The following PRKCA variants were observed in gnomAD, a reference collection of about 807,000 sequenced individuals.
PRKCA encodes the protein protein kinase C alpha, also known as protein kinase C alpha type.
A neutral mutation model predicts 87.0 loss-of-function variants in PRKCA; 27 were observed. That is an observed-to-expected ratio of 0.31 (90% CI 0.23 to 0.43). The LOEUF is 0.43. Among genes scored for constraint, PRKCA ranks in the 20% least tolerant of loss-of-function variants. The pLI is 1.00. For missense variants in PRKCA, 518 were observed against 852.3 expected (o/e 0.61, Z 4.88); for synonymous variants, 329 against 311.1 (o/e 1.06, Z -0.61).
At chr17:66,796,847 G>A (rs1386112513) in intron 16 of PRKCA, 4 of 985,294 alleles carry the variant, frequency 4.1e-6, no homozygotes, top group South Asian at 4.7e-5. Flanking sequence ...ACAAGTGAGG[G>A]TTCCCCTACG....
intron 2 of PRKCA, among the ~76,000 whole-genome samples, chr17:66,493,812 T>C (rs1916349228): frequency 6.6e-6 from 1 of 152,172 alleles, no homozygotes. Flanking sequence ...TCATCGTTCT[T>C]GTGTAATTTC....
At chr17:66,619,225 A>G (rs1173888505) in intron 3 of PRKCA, among the ~76,000 whole-genome samples, 1 of 152,208 alleles carries the variant, frequency 6.6e-6, no homozygotes. Context: ...TATGGGCGTC[A>G]GAGCTGTTTC....
intron 13 of PRKCA, among the ~76,000 whole-genome samples, chr17:66,748,902 C>A (rs1974362784): frequency 6.6e-6 from 1 of 151,996 alleles, no homozygotes; most frequent in Non-Finnish European, 1.5e-5. Context: ...TCCCTCTCAG[C>A]TTCAGGAGGA....
At chr17:66,782,396 T>A (rs1975260243) in intron 14 of PRKCA, among the ~76,000 whole-genome samples, 1 of 152,118 alleles carries the variant, frequency 6.6e-6, no homozygotes. Flanking sequence ...ACTTAACTAC[T>A]CCTCTTCCCT....
intron 3 of PRKCA, among the ~76,000 whole-genome samples, chr17:66,615,826 G>C (rs1463001799): frequency 6.6e-6 from 1 of 152,124 alleles, no homozygotes. Context: ...CATAAGGGAA[G>C]GGATTTCACT....
chr17:66,321,638 G>A (rs1905669761), intron 2 of PRKCA, among the ~76,000 whole-genome samples: 1 of 152,106 alleles, frequency 6.6e-6, no homozygotes, highest in Non-Finnish European at 1.5e-5. Flanking sequence ...CTGCCTCCTG[G>A]GTTCAAGCGA....
chr17:66,645,625 A>T, intron 5 of PRKCA, 114 bp downstream of exon 5: 1 of 1,449,762 alleles, frequency 6.9e-7, no homozygotes, highest in Non-Finnish European at 9.4e-7. Context: ...CTGGAGAGGC[A>T]GTCGCCCTGG....
chr17:66,547,196 A>T (rs890738223), intron 3 of PRKCA, among the ~76,000 whole-genome samples: 1 of 152,116 alleles, frequency 6.6e-6, no homozygotes, highest in Non-Finnish European at 1.5e-5. Context: ...CTTTGCTCAC[A>T]CTGAACTTGA....
Position 66,302,790 on chromosome 17 carries a change from G to GC in PRKCA, c.-59dup. 4 of 509,690 alleles carry GC rather than the reference G, an allele frequency of 7.8e-6. No homozygotes were observed. The highest frequency in any genetic ancestry group is 1.3e-4 in the East Asian group (1 of 7,720). 31.6% of individuals were successfully genotyped at this position (509,690 alleles called of 1,614,324 possible). On this transcript the variant is annotated 5_prime_UTR_variant, in exon 1 of 17. Transcript: ENST00000413366. ...CCCGCACCTCTCCCCCGCCGCCCCCGCCCACCCGGCCCTCCGCGGCCGCAG... is the reference window on the plus strand; with the variant it reads ...CCCGCACCTCTCCCCCGCCGCCCCCGCCCCACCCGGCCCTCCGCGGCCGCAG...
chr17:66,610,755 G>A (rs1970338015), intron 3 of PRKCA, among the ~76,000 whole-genome samples: 1 of 152,166 alleles, frequency 6.6e-6, no homozygotes, highest in South Asian at 2.1e-4. Flanking sequence ...CTGTCTCTGT[G>A]TCCTTCCCCT....
chr17:66,535,580 G>A (rs897708346), intron 3 of PRKCA, among the ~76,000 whole-genome samples: 4 of 152,214 alleles, frequency 2.6e-5, no homozygotes, highest in African/African-American at 7.2e-5. Context: ...CCTCACCAGA[G>A]TAAGGGCACA....
At chr17:66,406,869 C>T (rs16959193) in intron 2 of PRKCA, among the ~76,000 whole-genome samples, 6,733 of 152,030 alleles carry the variant, frequency 0.044, 169 homozygotes, top group East Asian at 0.097. Flanking sequence ...GAGAAAAGAG[C>T]TCCTGTCTGC....
chr17:66,502,746 C>T (rs1916794909), intron 3 of PRKCA, among the ~76,000 whole-genome samples: 1 of 152,150 alleles, frequency 6.6e-6, no homozygotes, highest in African/African-American at 2.4e-5. Context: ...GCTCCGCCTC[C>T]TGGGTTCACG....
At chr17:66,368,885 C>T (rs1908924484) in intron 2 of PRKCA, among the ~76,000 whole-genome samples, 1 of 152,194 alleles carries the variant, frequency 6.6e-6, no homozygotes, top group South Asian at 2.1e-4. Context: ...GTCTTGCTCC[C>T]TGGCCTGGCC....
chr17:66,685,480 C>T (rs1972601056), intron 5 of PRKCA, among the ~76,000 whole-genome samples: 1 of 152,188 alleles, frequency 6.6e-6, no homozygotes, highest in Admixed American at 6.5e-5. Flanking sequence ...TGGGGTATGA[C>T]AAACTATGTT....
intron 3 of PRKCA, among the ~76,000 whole-genome samples, chr17:66,593,056 C>T (rs557032210): frequency 1.3e-5 from 2 of 152,324 alleles, no homozygotes; most frequent in African/African-American, 4.8e-5. Flanking sequence ...TACCAAAGTG[C>T]TGGGATTATA....
At chr17:66,758,653 A>C (rs887902393) in intron 13 of PRKCA, among the ~76,000 whole-genome samples, 6 of 152,104 alleles carry the variant, frequency 3.9e-5, no homozygotes, top group Non-Finnish European at 5.9e-5. Flanking sequence ...AATTTGACTC[A>C]TGTTCTATCT....
chr17:66,478,417 G>A (rs943014284), intron 2 of PRKCA, among the ~76,000 whole-genome samples: 2 of 152,020 alleles, frequency 1.3e-5, no homozygotes, highest in Non-Finnish European at 2.9e-5. Context: ...ACCACACCTG[G>A]CTAATTTTGT....
At chr17:66,480,781 TAA>T (rs34400938) in intron 2 of PRKCA, among the ~76,000 whole-genome samples, 6 of 147,014 alleles carry the variant, frequency 4.1e-5, no homozygotes, top group Admixed American at 6.8e-5. Context: ...TTATATGGCT[TAA>T]AAAAAAAAAA....
Sources: gnomAD v4.1 joint callset for allele counts (sites outside exome capture counted in the v4.1 genomes callset) on GRCh38, gnomAD v4.1.1 for gene constraint, MANE v1.5 for transcripts, NCBI Gene and HGNC (gene_info 2026-07-23, HGNC 2026-07-21) for gene names.